The following UGT1A8 variants were observed in gnomAD, a reference collection of about 807,000 sequenced individuals.
UGT1A8 encodes UDP-glucuronosyltransferase 1A8.
Under a neutral mutation model 45.3 loss-of-function variants are expected in UGT1A8, and 39 were observed. That is an observed-to-expected ratio of 0.86 (90% confidence interval 0.67 to 1.12). The LOEUF is 1.12. UGT1A8 is among the 50% of genes most tolerant of loss of function. The pLI, the probability that UGT1A8 is intolerant of heterozygous loss-of-function variation, is 0.00. For missense variants in UGT1A8, 719 were observed against 664.9 expected (o/e 1.08, Z -0.90); for synonymous variants, 275 against 249.2 (o/e 1.10, Z -0.97).
intron 1 of UGT1A8, among the ~76,000 whole-genome samples, chr2:233,724,190 G>T (rs1456907439): frequency 1.6e-5 from 2 of 128,342 alleles, no homozygotes; most frequent in Non-Finnish European, 3.3e-5. Flanking sequence ...CCCGGACGGG[G>T]TGGCTGGCCG....
intron 1 of UGT1A8, among the ~76,000 whole-genome samples, chr2:233,661,490 T>A (rs1387182884): frequency 6.6e-6 from 1 of 152,174 alleles, no homozygotes; most frequent in Non-Finnish European, 1.5e-5. Context: ...TCTTTGAATA[T>A]CCTTCTTTCT....
chr2:233,647,902 C>T lies in UGT1A8; in HGVS notation c.855+29340C>T, dbSNP rs2073643214. 3 of 1,560,658 alleles carry T rather than the reference C, an allele frequency of 1.9e-6. No individual in the cohort carries two copies. In the East Asian group the frequency reaches 6.8e-5, roughly 35 times the overall value. ...TCATTGATTTCTACACTGAAGTTAG[C>T]CTCCAGGGAAGGTAGATCACTCACT... is the stretch of plus-strand genomic sequence containing the variant. On this transcript the variant is annotated intron_variant, in intron 1 of 4. Transcript: ENST00000373450.
chr2:233,764,474 A>G (rs1415490690), intron 1 of UGT1A8, among the ~76,000 whole-genome samples: 1 of 152,114 alleles, frequency 6.6e-6, no homozygotes, highest in East Asian at 1.9e-4. Context: ...CTGCTATTTA[A>G]CTTCGAATGT....
chr2:233,647,316 G>T (rs145829220), intron 1 of UGT1A8, among the ~76,000 whole-genome samples: 11 of 152,114 alleles, frequency 7.2e-5, no homozygotes, highest in African/African-American at 2.7e-4. Context: ...TTACATTTTC[G>T]TATCTAAGGT....
chr2:233,725,676 T>G (rs889497108), intron 1 of UGT1A8, among the ~76,000 whole-genome samples: 6 of 152,226 alleles, frequency 3.9e-5, no homozygotes, highest in African/African-American at 9.6e-5. Flanking sequence ...TAGTCACATT[T>G]CAAGTGCTCA....
intron 1 of UGT1A8, chr2:233,637,341 T>C (rs1351958391): frequency 6.2e-7 from 1 of 1,613,862 alleles, no homozygotes; most frequent in South Asian, 1.1e-5. Flanking sequence ...TCTTCATTGG[T>C]GGTATCAACT....
intron 1 of UGT1A8, among the ~76,000 whole-genome samples, chr2:233,678,629 A>G (rs1442739534): frequency 1.3e-5 from 2 of 152,336 alleles, no homozygotes; most frequent in East Asian, 1.9e-4. Context: ...ATAGAAGTCA[A>G]TAGCAGTCTT....
At position 233,759,475 on chromosome 2, in the gene UGT1A8, C is replaced by T. The variant is rs1697147555; in HGVS notation, c.856-7559C>T. Among the ~76,000 whole-genome samples, 2 of 152,182 alleles carry T rather than the reference C, an allele frequency of 1.3e-5. 1 individual carries two copies. The highest frequency in any genetic ancestry group is 2.9e-5 in the Non-Finnish European group (2 of 68,032). ...AGTTAGCCACTCAAGATCTATCTTA[C>T]AGGACTGGCTCTTTCAGGTTCACAC... is the stretch of plus-strand genomic sequence containing the variant. On this transcript the variant is annotated intron_variant, in intron 1 of 4. Coordinates refer to ENST00000373450, the MANE Select transcript of UGT1A8 (RefSeq NM_019076.5).
At chr2:233,747,621 C>T (rs2125886798) in intron 1 of UGT1A8, 1 of 1,577,282 alleles carries the variant, frequency 6.3e-7, no homozygotes, top group Middle Eastern at 1.7e-4. Context: ...TAATGAGGCC[C>T]TGATCAGGCA....
chr2:233,746,259 AC>A (rs1176427332), intron 1 of UGT1A8, among the ~76,000 whole-genome samples: 1 of 151,746 alleles, frequency 6.6e-6, no homozygotes, highest in African/African-American at 2.4e-5. Context: ...GCAGAACAGA[AC>A]AAAACGCTGT....
intron 1 of UGT1A8, chr2:233,740,628 A>G (rs1368948290): frequency 1.3e-5 from 2 of 151,808 alleles, no homozygotes; most frequent in Non-Finnish European, 2.9e-5. Flanking sequence ...TCACAGGGTC[A>G]TGCCTTTCCT....
Position 233,767,860 on chromosome 2 carries a change from G to C in UGT1A8, c.999G>C (p.Arg333=). ...LGKIPQTVLW[R]YTGTRPSNLA... is the part of the protein sequence containing the mutation. ...TTTGCCCCTCCCAGGTCCTGTGGCGGTACACTGGAACCCGACCATCGAATC... is the reference window on the plus strand; with the variant it reads ...TTTGCCCCTCCCAGGTCCTGTGGCGCTACACTGGAACCCGACCATCGAATC... Residue 333 remains arginine (R), a synonymous_variant, in exon 3 of 5, where the codon CGG becomes CGC. Coordinates refer to ENST00000373450, the MANE Select transcript of UGT1A8 (RefSeq NM_019076.5). The C allele has an allele frequency of 1.2e-6, 2 of 1,614,120 alleles. No individual in the cohort carries two copies. The highest frequency in any genetic ancestry group is 1.7e-6 in the Non-Finnish European group (2 of 1,180,048).
At chr2:233,619,813 A>G (rs2072967979) in intron 1 of UGT1A8, among the ~76,000 whole-genome samples, 1 of 152,206 alleles carries the variant, frequency 6.6e-6, no homozygotes, top group African/African-American at 2.4e-5. Context: ...ATGCAATACC[A>G]TCTGCAAGTA....
intron 1 of UGT1A8, among the ~76,000 whole-genome samples, chr2:233,752,887 C>T (rs1345633016): frequency 1.1e-4 from 17 of 152,134 alleles, no homozygotes; most frequent in Admixed American, 1.1e-3. Flanking sequence ...TAAAACTAGC[C>T]AGCGTTGTTA....
intron 1 of UGT1A8, chr2:233,721,798 T>C (rs1311334621): frequency 1.9e-6 from 1 of 514,350 alleles, no homozygotes; most frequent in East Asian, 5.5e-5. Flanking sequence ...TTAAAGCACA[T>C]GCAGCAAAAA....
At chr2:233,656,554 G>T (rs977351378) in intron 1 of UGT1A8, among the ~76,000 whole-genome samples, 19 of 152,320 alleles carry the variant, frequency 1.2e-4, no homozygotes, top group Non-Finnish European at 2.8e-4. Context: ...TTTAAGTGTA[G>T]GCGCCCATGA....
At chr2:233,647,807 G>A in intron 1 of UGT1A8, 1 of 776,334 alleles carries the variant, frequency 1.3e-6, no homozygotes, top group South Asian at 2.2e-5. Context: ...GATTTATCAA[G>A]TTAATTGATT....
intron 1 of UGT1A8, among the ~76,000 whole-genome samples, chr2:233,686,049 ATAGTGTC>A (rs1203423623): frequency 1.3e-5 from 2 of 152,178 alleles, no homozygotes; most frequent in African/African-American, 4.8e-5. Context: ...ATGGCAAAGA[ATAGTGTC>A]TTCAGCAGAG....
rs753512191 is a variant in UGT1A8 at position 233,755,032 on chromosome 2, C to T, written c.856-12002C>T. The T allele has an allele frequency of 5.3e-6, 7 of 1,314,500 alleles. No individual in the cohort carries two copies. In the Admixed American group the frequency reaches 9.5e-5, roughly 18 times the overall value. The allele number at this position is 1,314,500 out of a possible 1,614,324, so 81.4% of individuals were successfully genotyped here. A position where few individuals can be genotyped will look rare whatever the true frequency, so the allele number is the denominator to read the frequency against. ...TCGAAGGGGTCCTTGAAGGGCCTGC[C>T]GCCTGCGCAGCCGCCCTCCGCCCTC... On this transcript the variant is annotated intron_variant, in intron 1 of 4. Coordinates refer to ENST00000373450, the MANE Select transcript of UGT1A8 (RefSeq NM_019076.5).
Sources: allele counts gnomAD v4.1 joint callset (sites outside exome capture counted in the v4.1 genomes callset), GRCh38; gene constraint gnomAD v4.1.1; transcripts MANE v1.5; gene names NCBI Gene and HGNC (gene_info 2026-07-23, HGNC 2026-07-21).